WDFY4: variants seen among roughly 807,000 people sequenced by gnomAD.
WDFY4 encodes WDFY family member 4.
In WDFY4, 169 loss-of-function variants were observed where a neutral mutation model predicts 351.9. The observed-to-expected ratio is 0.48, with a 90% CI of 0.42 to 0.55. The LOEUF (loss-of-function observed/expected upper bound fraction) is 0.55. WDFY4 is among the 20% of genes least tolerant of loss of function. The pLI is 0.00. For missense variants in WDFY4, 3,803 were observed against 3,935.6 expected (o/e 0.97, Z 0.90); for synonymous variants, 1,622 against 1,574.6 (o/e 1.03, Z -0.71).
At position 48,768,701 on chromosome 10, in the gene WDFY4, T is replaced by C. The variant is rs552745756; in HGVS notation, c.2554-5757T>C. Among the ~76,000 whole-genome samples the C allele has an allele frequency of 2.3e-5, 3 of 128,896 alleles. No individual in the cohort carries two copies. The East Asian group carries it at 8.9e-4, about 38-fold the overall frequency. The allele number at this position is 128,896 out of a possible 152,430, so 84.6% of individuals were successfully genotyped here. On this transcript the variant is annotated intron_variant, in intron 13 of 61. Coordinates refer to ENST00000325239, the MANE Select transcript of WDFY4 (RefSeq NM_001394531.1). ...TCACGGGTCGAGCAGCCACCCACGG[T>C]GTTGTGGGGGTGGGAGAGGAGAAGA...
chr10:48,839,933 AG>A, intron 39 of WDFY4, among the ~76,000 whole-genome samples: 1 of 152,234 alleles, frequency 6.6e-6, no homozygotes, highest in Non-Finnish European at 1.5e-5. Flanking sequence ...AATGCTGCCA[AG>A]GACCTCTTGG....
chr10:48,916,964 C>T (rs998212495), intron 47 of WDFY4, among the ~76,000 whole-genome samples: 2 of 151,748 alleles, frequency 1.3e-5, no homozygotes, highest in Non-Finnish European at 2.9e-5. Context: ...GCATATATGA[C>T]AGTTGTCCCA....
Position 48,964,001 on chromosome 10 carries a change from A to G in WDFY4, c.8383A>G (p.Ile2795Val). 1 of 1,550,398 alleles carries G rather than the reference A, an allele frequency of 6.4e-7. No individual in the cohort carries two copies. The change falls in exon 54 of 62, where the codon ATC becomes GTC. Residue 2795 changes from isoleucine (I) to valine (V), a missense_variant. Around this residue, in one of 3 missense-constraint regions of WDFY4, gnomAD observed 3,054 missense variants for 3,148.6 expected, o/e 0.97. Transcript: ENST00000325239. ...CCTCAGCAGCATCACTGACCCCCTC[A>G]TCAAAAGCACCATCCTGGGGTTTGT... is the stretch of plus-strand genomic sequence containing the variant. ...MDLSSITDPL[I>V]KSTILGFVSN... is the part of the protein sequence containing the mutation.
intron 47 of WDFY4, among the ~76,000 whole-genome samples, chr10:48,931,715 T>C (rs1299491782): frequency 2.0e-5 from 3 of 152,218 alleles, no homozygotes; most frequent in Non-Finnish European, 2.9e-5. Context: ...AATCCTAAAT[T>C]TCTTCTGTAG....
At chr10:48,913,420 T>C in intron 47 of WDFY4, 1 of 1,612,752 alleles carries the variant, frequency 6.2e-7, no homozygotes, top group Non-Finnish European at 8.5e-7. Context: ...TCCTTGGCCA[T>C]GGAATTGGGT....
intron 12 of WDFY4, among the ~76,000 whole-genome samples, chr10:48,752,698 G>T (rs554502566): frequency 6.6e-6 from 1 of 152,188 alleles, no homozygotes; most frequent in Admixed American, 6.5e-5. Flanking sequence ...ACATTGTAAC[G>T]TATATCAGTA....
At chr10:48,857,275 G>A (rs979684761) in intron 39 of WDFY4, among the ~76,000 whole-genome samples, 2 of 151,640 alleles carry the variant, frequency 1.3e-5, no homozygotes. Context: ...TGTATTCAGG[G>A]TTGAGATTTA....
At chr10:48,776,691 G>GCTC in intron 15 of WDFY4, 59 bp from the exon 16 acceptor site, 1 of 1,295,758 alleles carries the variant, frequency 7.7e-7, no homozygotes, top group Non-Finnish European at 1.0e-6. Context: ...GTTATTGTCA[G>GCTC]AAGCGAGACA....
chr10:48,791,107 G>A lies in WDFY4; in HGVS notation c.4257+190G>A, dbSNP rs77242969. The stretch of plus-strand genomic sequence containing the variant: ...GAGGGGCAGGCGACAGCCAGCCCAA[G>A]AGCTCTGCTCAGGATGAGGATGCTC... On this transcript the variant is annotated intron_variant, in intron 23 of 61. Coordinates refer to ENST00000325239, the MANE Select transcript of WDFY4 (RefSeq NM_001394531.1). Among the ~76,000 whole-genome samples, 1,455 of 152,374 alleles carry A rather than the reference G, an allele frequency of 9.5e-3. 33 individuals carry two copies. The highest frequency in any genetic ancestry group is 0.031 in the African/African-American group (1,309 of 41,580).
intron 48 of WDFY4, 92 bp from the exon 49 acceptor site, chr10:48,943,238 A>G (rs1589964725): frequency 1.4e-6 from 2 of 1,459,472 alleles, no homozygotes; most frequent in Non-Finnish European, 1.8e-6. Flanking sequence ...CCACAGAGCC[A>G]GGGCCTGCTG....
At chr10:48,846,225 C>T (rs570870312) in intron 39 of WDFY4, among the ~76,000 whole-genome samples, 1 of 152,332 alleles carries the variant, frequency 6.6e-6, no homozygotes, top group Non-Finnish European at 1.5e-5. Context: ...GGCATCTTTG[C>T]TCCAGGCAGG....
chr10:48,970,040 C>T, intron 56 of WDFY4, 91 bp from the exon 57 acceptor site: 2 of 1,447,632 alleles, frequency 1.4e-6, no homozygotes, highest in Admixed American at 4.5e-5. Context: ...TCCCAAGGCA[C>T]TCAGACTGGC....
intron 39 of WDFY4, among the ~76,000 whole-genome samples, chr10:48,846,611 A>G (rs940146720): frequency 2.0e-5 from 3 of 152,192 alleles, no homozygotes; most frequent in Non-Finnish European, 4.4e-5. Context: ...GGCTGCATCT[A>G]TGGGGACCCA....
At chr10:48,789,016 AGTT>A (rs1297870076) in intron 21 of WDFY4, among the ~76,000 whole-genome samples, 13 of 151,252 alleles carry the variant, frequency 8.6e-5, no homozygotes, top group Non-Finnish European at 1.3e-4. Context: ...ATATTCTTTG[AGTT>A]GTTGTGATTT....
In WDFY4 at chr10:48,817,410, G is replaced by A. The variant is rs1158688295; in HGVS notation, c.5505+1G>A. The stretch of plus-strand genomic sequence containing the variant: ...CGCCTTCCCCCTGGGAGCCCAAAAG[G>A]TAGGACATGCTGCTGTCCCACCCAG... On this transcript the variant is annotated splice_donor_variant, in intron 32 of 61. Transcript: ENST00000325239. LOFTEE classifies it high-confidence loss of function. 3 of 1,548,906 alleles carry A rather than the reference G, an allele frequency of 1.9e-6. No individual in the cohort carries two copies. Among genetic ancestry groups the A allele is most frequent in the Non-Finnish European group, 2.6e-6 (3 of 1,145,068 alleles).
chr10:48,881,425 G>A (rs2070244771), intron 43 of WDFY4, among the ~76,000 whole-genome samples: 1 of 152,166 alleles, frequency 6.6e-6, no homozygotes, highest in African/African-American at 2.4e-5. Flanking sequence ...AGATGGTGGA[G>A]GATGAGACAG....
intron 19 of WDFY4, among the ~76,000 whole-genome samples, chr10:48,782,992 A>G (rs2132672471): frequency 1.3e-5 from 2 of 152,310 alleles, no homozygotes; most frequent in South Asian, 4.1e-4. Context: ...GAGAGATAAG[A>G]GAGCACAGAA....
chr10:48,704,471 T>C (rs1310000913), intron 1 of WDFY4, among the ~76,000 whole-genome samples: 1 of 152,082 alleles, frequency 6.6e-6, no homozygotes, highest in Non-Finnish European at 1.5e-5. Flanking sequence ...TCCTGGAGGC[T>C]CTGGGACTCC....
At chr10:48,903,361 G>A (rs1456794378) in intron 47 of WDFY4, among the ~76,000 whole-genome samples, 1 of 152,186 alleles carries the variant, frequency 6.6e-6, no homozygotes, top group Admixed American at 6.5e-5. Flanking sequence ...GAATCACTCT[G>A]GCTGCTGTGC....
Sources: allele counts gnomAD v4.1 joint callset (sites outside exome capture counted in the v4.1 genomes callset), GRCh38; gene constraint gnomAD v4.1.1; regional missense constraint gnomAD v4.1.1; transcripts MANE v1.5; gene names NCBI Gene and HGNC (gene_info 2026-07-23, HGNC 2026-07-21).